GAS7: variants seen among roughly 807,000 people sequenced by gnomAD.
GAS7 encodes growth arrest-specific protein 7.
GAS7 carries 28 observed loss-of-function variants against 71.1 expected under a neutral mutation model. The observed-to-expected ratio is 0.39, with a 90% CI of 0.29 to 0.54. The LOEUF is 0.54. GAS7 is among the 20% of genes least tolerant of loss of function. GAS7 has a pLI of 0.62. For synonymous variants in GAS7, 258 were observed against 245.8 expected (o/e 1.05, Z -0.46); for missense variants, 436 against 627.8 (o/e 0.69, Z 3.27).
chr17:10,173,786 A>G (rs1057195448), intron 1 of GAS7, among the ~76,000 whole-genome samples: 1 of 152,082 alleles, frequency 6.6e-6, no homozygotes, highest in Admixed American at 6.5e-5. Flanking sequence ...AAGAAAAAAA[A>G]AGAGACCCTC....
intron 1 of GAS7, among the ~76,000 whole-genome samples, chr17:10,085,286 A>T (rs62065853): frequency 0.1 from 15,566 of 152,188 alleles, 978 homozygotes; most frequent in Middle Eastern, 0.15. Flanking sequence ...AGAGTTCTGG[A>T]GTGTGGACAC....
At position 10,198,261 on chromosome 17, in the gene GAS7, T is replaced by A; in HGVS notation, c.130A>T (p.Lys44Ter). 1 of 1,607,072 alleles carries A rather than the reference T, an allele frequency of 6.2e-7. No homozygotes were observed. Among genetic ancestry groups the A allele is most frequent in the Non-Finnish European group, 8.5e-7 (1 of 1,179,454 alleles). ...AACCAGCCACGGAGCCCGTCCTCCTTCTCGCCTTCCCACCAGCCGCCGTCC... is the reference window on the plus strand; with the variant it reads ...AACCAGCCACGGAGCCCGTCCTCCTACTCGCCTTCCCACCAGCCGCCGTCC... ...VPDGGWWEGEKEDGLRGWFPA... is the reference protein window; with the variant it reads ...VPDGGWWEGE The change falls in exon 1 of 14, where the codon AAG (lysine) becomes TAG (stop). Residue 44 changes from lysine (K) to a stop codon, truncating the protein, a stop_gained. Transcript: ENST00000432992. LOFTEE classifies it high-confidence loss of function.
intron 1 of GAS7, among the ~76,000 whole-genome samples, chr17:10,197,639 C>T (rs1051383769): frequency 1.3e-5 from 2 of 151,652 alleles, no homozygotes; most frequent in African/African-American, 4.8e-5. Flanking sequence ...GGGGGTGCTA[C>T]GGCACCCCAG....
At chr17:9,989,470 C>T (rs1326224851) in intron 2 of GAS7, among the ~76,000 whole-genome samples, 1 of 152,050 alleles carries the variant, frequency 6.6e-6, no homozygotes, top group Non-Finnish European at 1.5e-5. Flanking sequence ...GTCATTATGC[C>T]ATTCCATCTT....
intron 4 of GAS7, among the ~76,000 whole-genome samples, chr17:9,965,427 C>A (rs1201347316): frequency 2.6e-5 from 4 of 152,176 alleles, no homozygotes; most frequent in Admixed American, 2.0e-4. Context: ...AAACTAAACA[C>A]CGCATGTTCT....
At chr17:10,043,837 G>A (rs2072907863) in intron 1 of GAS7, among the ~76,000 whole-genome samples, 1 of 152,156 alleles carries the variant, frequency 6.6e-6, no homozygotes, top group Admixed American at 6.5e-5. Flanking sequence ...GGCAGACTGA[G>A]GCAAGAGTAT....
rs1200477162 is a variant in GAS7 at position 9,974,555 on chromosome 17, A to G, written c.386-4793T>C. 3.9e-5 allele frequency among the ~76,000 whole-genome samples: 6 copies of G among 152,126 alleles called. No homozygotes were observed. The highest frequency in any genetic ancestry group is 1.4e-4 in the African/African-American group (6 of 41,432). On this transcript the variant is annotated intron_variant, in intron 3 of 13. Coordinates refer to ENST00000432992, the MANE Select transcript of GAS7 (RefSeq NM_201433.2). This position sits in a 1 kb window ranked among gnomAD's most constrained non-coding sequence, Gnocchi z 4.0. ...AATGTCACACTCATCTGTTTTTAAGATTTTTAAAAAGGGAACTAAAAGCTC... is the reference window on the plus strand; with the variant it reads ...AATGTCACACTCATCTGTTTTTAAGGTTTTTAAAAAGGGAACTAAAAGCTC...
At chr17:9,924,814 C>T (rs189004930) in intron 11 of GAS7, 2 of 152,266 alleles carry the variant, frequency 1.3e-5, no homozygotes, top group East Asian at 1.9e-4. Flanking sequence ...CGTGTCCTCT[C>T]GTGCAGTGAA....
intron 1 of GAS7, among the ~76,000 whole-genome samples, chr17:10,180,751 A>G (rs1474316033): frequency 6.6e-6 from 1 of 151,894 alleles, no homozygotes; most frequent in African/African-American, 2.4e-5. Context: ...ATTGTTTTGT[A>G]TTTATTTTAT....
At chr17:10,048,665 T>G (rs2073016776) in intron 1 of GAS7, among the ~76,000 whole-genome samples, 1 of 152,160 alleles carries the variant, frequency 6.6e-6, no homozygotes, top group South Asian at 2.1e-4. Context: ...ACTTTGTAAT[T>G]CAAGACATAC....
At chr17:10,166,188 T>C (rs1285485022) in intron 1 of GAS7, among the ~76,000 whole-genome samples, 1 of 152,012 alleles carries the variant, frequency 6.6e-6, no homozygotes, top group African/African-American at 2.4e-5. Flanking sequence ...CATGCCCAGC[T>C]AATTTTTTAA....
chr17:10,195,750 T>C (rs1162320786), intron 1 of GAS7, among the ~76,000 whole-genome samples: 1 of 152,168 alleles, frequency 6.6e-6, no homozygotes, highest in Non-Finnish European at 1.5e-5. Flanking sequence ...CTGCATTCTC[T>C]GAGTCTGCCC....
chr17:9,927,873 C>G (rs931784262), intron 9 of GAS7, among the ~76,000 whole-genome samples: 3 of 152,266 alleles, frequency 2.0e-5, no homozygotes, highest in African/African-American at 7.2e-5. Context: ...CCGCATTGCG[C>G]TCATAAAGAC....
intron 1 of GAS7, among the ~76,000 whole-genome samples, chr17:10,041,213 T>C (rs1188433555): frequency 6.6e-6 from 1 of 151,034 alleles, no homozygotes; most frequent in African/African-American, 2.4e-5. Flanking sequence ...TGAACCTAGA[T>C]GGCCAAGACC....
chr17:9,917,966 T>C (rs772128635), intron 13 of GAS7, 35 bp downstream of exon 13: 14 of 1,484,768 alleles, frequency 9.4e-6, no homozygotes, highest in Middle Eastern at 2.0e-4. Context: ...CCAGGCCCCG[T>C]GTCGCCCGGG....
Position 10,006,292 on chromosome 17 carries a change from T to C in GAS7, c.304+13485A>G, listed in dbSNP as rs115961170. ...CAGGGTGCTAAGCAGAATGTACAAATGAAAACAGTACAAGCCCCAGATTCT... is the reference window on the plus strand; with the variant it reads ...CAGGGTGCTAAGCAGAATGTACAAACGAAAACAGTACAAGCCCCAGATTCT... On this transcript the variant is annotated intron_variant, in intron 2 of 13. Coordinates refer to ENST00000432992, the MANE Select transcript of GAS7 (RefSeq NM_201433.2). Among the ~76,000 whole-genome samples, 715 of 144,772 alleles carry C rather than the reference T, an allele frequency of 4.9e-3. 6 individuals carry two copies. Among genetic ancestry groups the C allele is most frequent in the African/African-American group, 0.017 (692 of 39,728 alleles). 95.0% of individuals were successfully genotyped at this position (144,772 alleles called of 152,430 possible). A position where few individuals can be genotyped will look rare whatever the true frequency, so the allele number is the denominator to read the frequency against.
chr17:9,994,391 C>T (rs13339689), intron 2 of GAS7, among the ~76,000 whole-genome samples: 29,896 of 118,596 alleles, frequency 0.25, 4,390 homozygotes, highest in African/African-American at 0.29. Flanking sequence ...TCTACAACTA[C>T]CTGATCTTTG....
At chr17:10,041,282 C>T (rs2072864415) in intron 1 of GAS7, among the ~76,000 whole-genome samples, 1 of 152,140 alleles carries the variant, frequency 6.6e-6, no homozygotes, top group Non-Finnish European at 1.5e-5. Flanking sequence ...CTTTCATAGC[C>T]TGTGACTCCT....
At chr17:10,025,172 G>C (rs182663864) in intron 1 of GAS7, among the ~76,000 whole-genome samples, 18 of 152,296 alleles carry the variant, frequency 1.2e-4, no homozygotes, top group Non-Finnish European at 2.2e-4. Flanking sequence ...GGAGGCCGAG[G>C]CAGGAGGATT....
Sources: gnomAD v4.1 joint callset for allele counts (sites outside exome capture counted in the v4.1 genomes callset) on GRCh38, gnomAD v4.1.1 for gene constraint, Gnocchi (gnomAD v3.1) non-coding constraint, MANE v1.5 for transcripts, NCBI Gene and HGNC (gene_info 2026-07-23, HGNC 2026-07-21) for gene names.